PRKN: variants seen among roughly 807,000 people sequenced by gnomAD.
PRKN encodes parkin RBR E3 ubiquitin protein ligase, also known as E3 ubiquitin-protein ligase parkin.
Under a neutral mutation model 59.5 loss-of-function variants are expected in PRKN, and 56 were observed. The observed-to-expected ratio is 0.94, with a 90% CI of 0.76 to 1.18. The LOEUF is 1.18. Ranked by LOEUF, PRKN falls within the 50% of genes most tolerant of loss-of-function variation. The probability of loss-of-function intolerance (pLI) is 0.00; values close to 1 mark genes in which losing one functional copy is unlikely to be tolerated. For missense variants in PRKN, 657 were observed against 596.4 expected (o/e 1.10, Z -1.06); for synonymous variants, 250 against 222.1 (o/e 1.13, Z -1.12).
rs141769549 is a variant in PRKN at position 162,280,413 on chromosome 6, C to A, written c.172-17648G>T. Among the ~76,000 whole-genome samples the A allele has an allele frequency of 2.1e-3, 327 of 152,108 alleles. 3 individuals carry two copies. The highest frequency in any genetic ancestry group is 6.8e-3 in the Middle Eastern group (2 of 294). On this transcript the variant is annotated intron_variant, in intron 2 of 11. Coordinates refer to ENST00000366898, the MANE Select transcript of PRKN (RefSeq NM_004562.3). ...AGGGGGAAATTTATAGTACTAAATG[C>A]CCACATCAGAAGGAGGGAAAGATCT...
intron 9 of PRKN, among the ~76,000 whole-genome samples, chr6:161,436,469 G>T (rs1426436826): frequency 6.8e-6 from 1 of 146,378 alleles, no homozygotes; most frequent in Non-Finnish European, 1.5e-5. Flanking sequence ...TTGGGGGGGG[G>T]TGGGCGGAGA....
At chr6:161,919,644 G>A (rs1778705428) in intron 6 of PRKN, among the ~76,000 whole-genome samples, 1 of 152,174 alleles carries the variant, frequency 6.6e-6, no homozygotes, top group African/African-American at 2.4e-5. Context: ...AGCAAGTGCT[G>A]GAAATACAAA....
At chr6:161,912,191 A>G (rs1778388088) in intron 6 of PRKN, among the ~76,000 whole-genome samples, 1 of 151,962 alleles carries the variant, frequency 6.6e-6, no homozygotes, top group South Asian at 2.1e-4. Flanking sequence ...AAAAAAAAAA[A>G]AAGTTGGATG....
intron 6 of PRKN, among the ~76,000 whole-genome samples, chr6:161,957,109 G>A (rs1780197699): frequency 6.6e-6 from 1 of 152,188 alleles, no homozygotes. Flanking sequence ...CTTCCTTACT[G>A]TCATACGTGT....
chr6:162,115,072 A>C (rs982530263), intron 4 of PRKN, among the ~76,000 whole-genome samples: 1 of 152,102 alleles, frequency 6.6e-6, no homozygotes, highest in African/African-American at 2.4e-5. Context: ...ATTATTCACA[A>C]TAGCAAAAAC....
intron 1 of PRKN, among the ~76,000 whole-genome samples, chr6:162,480,917 C>T (rs757268264): frequency 1.1e-4 from 17 of 151,974 alleles, no homozygotes; most frequent in Non-Finnish European, 1.5e-4. Context: ...GTGATTCTCC[C>T]GCCTCAGCCT....
At chr6:161,929,816 C>G (rs376603374) in intron 6 of PRKN, among the ~76,000 whole-genome samples, 1 of 152,004 alleles carries the variant, frequency 6.6e-6, no homozygotes, top group African/African-American at 2.4e-5. Flanking sequence ...CCTGGTCTCA[C>G]GTCAATTTTT....
intron 6 of PRKN, among the ~76,000 whole-genome samples, chr6:161,865,579 C>T (rs1375595206): frequency 2.6e-5 from 4 of 152,200 alleles, no homozygotes; most frequent in Non-Finnish European, 5.9e-5. Context: ...GCTGCTTCAC[C>T]TTGAACTTTC....
At chr6:161,785,963 C>T (rs1286582387) in intron 6 of PRKN, 55 bp from the exon 7 acceptor site, 11 of 1,594,898 alleles carry the variant, frequency 6.9e-6, no homozygotes, top group Non-Finnish European at 3.4e-6. Context: ...GGAAAGGCAG[C>T]ACGTGCTTTA....
intron 1 of PRKN, among the ~76,000 whole-genome samples, chr6:162,489,969 T>C (rs1792729447): frequency 6.6e-6 from 1 of 152,180 alleles, no homozygotes; most frequent in Non-Finnish European, 1.5e-5. Context: ...AGCAAGAAAA[T>C]GCTGGCATGA....
In PRKN at chr6:161,401,267, T is replaced by A. The variant is rs181739109; in HGVS notation, c.1084-14390A>T. Among the ~76,000 whole-genome samples the A allele has an allele frequency of 4.6e-5, 7 of 152,154 alleles. No individual in the cohort carries two copies. The highest frequency in any genetic ancestry group is 8.8e-5 in the Non-Finnish European group (6 of 68,000). On this transcript the variant is annotated intron_variant, in intron 9 of 11. Transcript: ENST00000366898. The surrounding 1 kb of genome is among the most constrained non-coding windows in gnomAD (Gnocchi z 4.4). The stretch of plus-strand genomic sequence containing the variant: ...ACGTCCTGGGGAATTGAGGAGAAGA[T>A]CCACCCTACCAAAGGCCAGTCTTGC...
intron 1 of PRKN, among the ~76,000 whole-genome samples, chr6:162,653,100 T>C (rs1299237258): frequency 6.6e-6 from 1 of 152,202 alleles, no homozygotes; most frequent in African/African-American, 2.4e-5. Context: ...GTGAAGTCTT[T>C]GGGTTTCTTG....
intron 4 of PRKN, among the ~76,000 whole-genome samples, chr6:162,096,985 G>C (rs1779770977): frequency 6.9e-6 from 1 of 145,982 alleles, no homozygotes; most frequent in Non-Finnish European, 1.5e-5. Flanking sequence ...TCCTGCCTCA[G>C]CCTCCCTCAG....
chr6:161,536,055 C>T (rs1240971635), intron 9 of PRKN, among the ~76,000 whole-genome samples: 3 of 151,980 alleles, frequency 2.0e-5, no homozygotes, highest in Admixed American at 2.0e-4. Context: ...AAAACGCTCT[C>T]ATCAAATACT....
At chr6:161,516,826 CAAAAAA>C (rs369136348) in intron 9 of PRKN, among the ~76,000 whole-genome samples, 3 of 63,210 alleles carry the variant, frequency 4.7e-5, no homozygotes, top group African/African-American at 6.3e-5. Context: ...GACTCAATCT[CAAAAAA>C]AAAAAAAAAA....
intron 4 of PRKN, among the ~76,000 whole-genome samples, chr6:162,193,377 C>T (rs1022969296): frequency 2.6e-5 from 4 of 152,216 alleles, no homozygotes; most frequent in Admixed American, 6.5e-5. Context: ...TCTCCCTCTT[C>T]GCCAAAGCTG....
chr6:161,461,595 A>G lies in PRKN; in HGVS notation c.1084-74718T>C, dbSNP rs1405660728. Among the ~76,000 whole-genome samples, 2 of 152,148 alleles carry G rather than the reference A, an allele frequency of 1.3e-5. No homozygotes were observed. The highest frequency in any genetic ancestry group is 2.9e-5 in the Non-Finnish European group (2 of 68,030). Reference sequence around the variant, plus strand: ...ACTGGCCTTCTGGAATCAATCAGTTATCAGTCAGCCACTGGAGATAAAAGG... The same window carrying G: ...ACTGGCCTTCTGGAATCAATCAGTTGTCAGTCAGCCACTGGAGATAAAAGG... On this transcript the variant is annotated intron_variant, in intron 9 of 11. Coordinates refer to ENST00000366898, the MANE Select transcript of PRKN (RefSeq NM_004562.3). This position sits in a 1 kb window ranked among gnomAD's most constrained non-coding sequence, Gnocchi z 5.1.
At chr6:162,661,944 C>G (rs1778901243) in intron 1 of PRKN, among the ~76,000 whole-genome samples, 1 of 152,156 alleles carries the variant, frequency 6.6e-6, no homozygotes, top group Non-Finnish European at 1.5e-5. Context: ...CCACTGTACC[C>G]AGTAGGTTTT....
chr6:161,833,538 A>G (rs906969010), intron 6 of PRKN, among the ~76,000 whole-genome samples: 2 of 152,072 alleles, frequency 1.3e-5, no homozygotes, highest in Admixed American at 1.3e-4. Flanking sequence ...CAGTCTTGAC[A>G]CTTCCTTATC....
Sources: gnomAD v4.1 joint callset for allele counts (sites outside exome capture counted in the v4.1 genomes callset) on GRCh38, gnomAD v4.1.1 for gene constraint, Gnocchi (gnomAD v3.1) non-coding constraint, MANE v1.5 for transcripts, NCBI Gene and HGNC (gene_info 2026-07-23, HGNC 2026-07-21) for gene names.